Variants in ING2 observed in about 807,000 individuals in gnomAD.
ING2 encodes inhibitor of growth family member 2.
In ING2, 7 loss-of-function variants were observed where a neutral mutation model predicts 30.6. The ratio of observed to expected loss-of-function variants is 0.23; its 90% CI spans 0.13 to 0.43. ING2 has a LOEUF of 0.43. Ranked by LOEUF, ING2 falls within the 20% of genes least tolerant of loss-of-function variation. The probability of loss-of-function intolerance (pLI) is 1.00; values close to 1 mark genes in which losing one functional copy is unlikely to be tolerated. For missense variants in ING2, 239 were observed against 334.9 expected, an observed-to-expected ratio of 0.71 and a Z score of 2.24; for synonymous variants, 136 against 121.7, an observed-to-expected ratio of 1.12 and a Z score of -0.78.
At chr4:183,507,526 C>T (rs1205971805) in intron 1 of ING2, among the ~76,000 whole-genome samples, 6 of 152,268 alleles carry the variant, frequency 3.9e-5, no homozygotes, top group East Asian at 1.9e-4. Flanking sequence ...CTATAATTGT[C>T]AGGTATTAAT....
In ING2 at chr4:183,511,131, A is replaced by G. The variant is rs1354412199; in HGVS notation, c.*179A>G. On this transcript the variant is annotated 3_prime_UTR_variant, in exon 2 of 2. Transcript: ENST00000302327. Reference sequence around the variant, plus strand: ...TTAATTTTCTGCACTGAGTTACCAAATATTTCCAACCAGGTAGTCTTCAGA... The same window carrying G: ...TTAATTTTCTGCACTGAGTTACCAAGTATTTCCAACCAGGTAGTCTTCAGA... The G allele has an allele frequency of 1.9e-6, 1 of 515,172 alleles. No individual in the cohort carries two copies. Among genetic ancestry groups the G allele is most frequent in the Admixed American group, 3.7e-5 (1 of 27,084 alleles). 31.9% of individuals were successfully genotyped at this position (515,172 alleles called of 1,614,324 possible).
chr4:183,510,259 C>T (rs1232611903), intron 1 of ING2, 23 bp from the exon 2 acceptor site: 4 of 1,488,880 alleles, frequency 2.7e-6, no homozygotes, highest in Non-Finnish European at 3.6e-6. Flanking sequence ...ATAACGTTCT[C>T]ATTTTTCTTT....
rs1734617886 is a variant in ING2 at position 183,505,642 on chromosome 4, AAGC to A, written c.172+280_172+282del. On this transcript the variant is annotated intron_variant, in intron 1 of 1. Coordinates refer to ENST00000302327, the MANE Select transcript of ING2 (RefSeq NM_001564.4). The stretch of plus-strand genomic sequence containing the variant: ...GCCGCTGAGGGGAATCAGCCATTTT[AAGC>A]AGCAAGCATTTGTTCAGGCGCTGGC... Among the ~76,000 whole-genome samples the A allele has an allele frequency of 2.6e-5, 4 of 152,058 alleles. No homozygotes were observed. In the South Asian group the frequency reaches 8.3e-4, roughly 32 times the overall value.
In ING2 at chr4:183,511,071, G is replaced by C. The variant is rs1233445436; in HGVS notation, c.*119G>C. On this transcript the variant is annotated 3_prime_UTR_variant, in exon 2 of 2. Coordinates refer to ENST00000302327, the MANE Select transcript of ING2 (RefSeq NM_001564.4). ...ATAATTTTTAATCATTAGTATTAAT[G>C]GTGTATTAAAAGTTGTTGTACTTTG... The C allele has an allele frequency of 6.2e-6, 5 of 812,228 alleles. No individual in the cohort carries two copies. The highest frequency in any genetic ancestry group is 9.3e-6 in the Non-Finnish European group (5 of 535,250). 50.3% of individuals were successfully genotyped at this position (812,228 alleles called of 1,614,324 possible).
At position 183,506,188 on chromosome 4, in the gene ING2, G is replaced by A. The variant is rs1354074251; in HGVS notation, c.172+821G>A. 3 of 1,297,160 alleles carry A rather than the reference G, an allele frequency of 2.3e-6. No homozygotes were observed. The Admixed American group carries it at 6.9e-5, about 30-fold the overall frequency. The allele number at this position is 1,297,160 out of a possible 1,614,324, so 80.4% of individuals were successfully genotyped here. On this transcript the variant is annotated intron_variant, in intron 1 of 1. Coordinates refer to ENST00000302327, the MANE Select transcript of ING2 (RefSeq NM_001564.4). ...GAGGGAGTCGGGGCTGTGCGGGGGC[G>A]TTGGTTCGGCCCCAGCGGAGTCCGA...
Position 183,505,096 on chromosome 4 carries a change from CG to C in ING2, c.-99del. ...CCCTCTCGAGCGGCTGCGGGGTCCC[CG>C]CGGCGCCGGGCTGCTGAGCTGAGGG... On this transcript the variant is annotated 5_prime_UTR_variant, in exon 1 of 2. Coordinates refer to ENST00000302327, the MANE Select transcript of ING2 (RefSeq NM_001564.4). The C allele has an allele frequency of 8.3e-7, 1 of 1,209,520 alleles. No individual in the cohort carries two copies. Among genetic ancestry groups the C allele is most frequent in the Non-Finnish European group, 1.1e-6 (1 of 945,686 alleles). 74.9% of individuals were successfully genotyped at this position (1,209,520 alleles called of 1,614,324 possible). A position where few individuals can be genotyped will look rare whatever the true frequency, so the allele number is the denominator to read the frequency against.
chr4:183,510,230 T>C, intron 1 of ING2, 52 bp from the exon 2 acceptor site: 2 of 1,254,740 alleles, frequency 1.6e-6, no homozygotes, highest in Non-Finnish European at 2.2e-6. Context: ...CTTGGAAATG[T>C]TGTGTCTGCT....
chr4:183,512,068 A>G lies in ING2; in HGVS notation c.*1116A>G, dbSNP rs1734831767. Among the ~76,000 whole-genome samples, 1 of 152,186 alleles carries G rather than the reference A, an allele frequency of 6.6e-6. No individual in the cohort carries two copies. Among genetic ancestry groups the G allele is most frequent in the African/African-American group, 2.4e-5 (1 of 41,444 alleles). ...CCAAGATTCTGATATTTGAAGGGTA[A>G]GCATCTTGATGGATATATGTCCATA... On this transcript the variant is annotated 3_prime_UTR_variant, in exon 2 of 2. Coordinates refer to ENST00000302327, the MANE Select transcript of ING2 (RefSeq NM_001564.4).
intron 1 of ING2, among the ~76,000 whole-genome samples, chr4:183,509,623 A>T (rs1218956643): frequency 1.3e-5 from 2 of 149,208 alleles, no homozygotes; most frequent in African/African-American, 5.0e-5. Context: ...TTTTTTTTGT[A>T]TTTTTAGTAG....
chr4:183,505,415 T>G, intron 1 of ING2, 48 bp downstream of exon 1: 5 of 1,471,038 alleles, frequency 3.4e-6, no homozygotes, highest in Non-Finnish European at 4.6e-6. Context: ...GCGGGGAGCC[T>G]GTCCGGGGGA....
chr4:183,511,009 C>A lies in ING2; in HGVS notation c.*57C>A. 7.2e-7 allele frequency: 1 copy of A among 1,384,058 alleles called. No homozygotes were observed. Among genetic ancestry groups the A allele is most frequent in the African/African-American group, 1.5e-5 (1 of 68,160 alleles). 85.7% of individuals were successfully genotyped at this position (1,384,058 alleles called of 1,614,324 possible). On this transcript the variant is annotated 3_prime_UTR_variant, in exon 2 of 2. Coordinates refer to ENST00000302327, the MANE Select transcript of ING2 (RefSeq NM_001564.4). ...GTCTTTTATATAATTCGTTTGCTTT[C>A]AGAAAATGTTTTAGGGTAAATGCAT... is the stretch of plus-strand genomic sequence containing the variant.
In ING2 at chr4:183,510,417, T is replaced by G; in HGVS notation, c.308T>G (p.Ile103Ser). 6.2e-7 allele frequency: 1 copy of G among 1,614,146 alleles called. No individual in the cohort carries two copies. ...SQELGDEKIQ[I>S]VTQMLELVEN... ...GAATTGGGAGATGAAAAAATACAGA[T>G]TGTTACACAAATGCTCGAATTGGTG... The change falls in exon 2 of 2, where the codon ATT (isoleucine) becomes AGT (serine). Residue 103 changes from isoleucine to serine, a missense_variant. This residue lies in a region of ING2 where 115 missense variants were observed against 120.1 expected (regional missense o/e 0.96). Transcript: ENST00000302327.
chr4:183,505,376 C>A lies in ING2; in HGVS notation c.172+9C>A, dbSNP rs777797153. 6.6e-7 allele frequency: 1 copy of A among 1,517,726 alleles called. No homozygotes were observed. Among genetic ancestry groups the A allele is most frequent in the Non-Finnish European group, 8.8e-7 (1 of 1,130,178 alleles). The allele number at this position is 1,517,726 out of a possible 1,614,324, so 94.0% of individuals were successfully genotyped here. ...GGACAACAAATATCAAGGTAGGAGC[C>A]GCGGGGCTGCCGGCCTCGGGAGCCG... On this transcript the variant is annotated intron_variant, in intron 1 of 1. Transcript: ENST00000302327.
Position 183,510,689 on chromosome 4 carries a change from G to A in ING2, c.580G>A (p.Ala194Thr). 1 of 1,614,146 alleles carries A rather than the reference G, an allele frequency of 6.2e-7. No homozygotes were observed. Among genetic ancestry groups the A allele is most frequent in the Non-Finnish European group, 8.5e-7 (1 of 1,180,030 alleles). Residue 194 changes from alanine to threonine, a missense_variant, in exon 2 of 2, where the codon GCC becomes ACC. Physicochemically the swap from Ala to Thr is moderately conservative, Grantham distance 58. This residue lies in a region of ING2 where 115 missense variants were observed against 120.1 expected (regional missense o/e 0.96). Coordinates refer to ENST00000302327, the MANE Select transcript of ING2 (RefSeq NM_001564.4). ...AGCAAAGAAAAAGAAACGCTCCAAG[G>A]CCAAGCAGGAAAGGGAAGCTTCACC... ...KSAKKKKRSK[A>T]KQEREASPVE...
Position 183,510,655 on chromosome 4 carries a change from A to G in ING2, c.546A>G (p.Lys182=), listed in dbSNP as rs1433607960. 2 of 1,614,056 alleles carry G rather than the reference A, an allele frequency of 1.2e-6. No individual in the cohort carries two copies. The highest frequency in any genetic ancestry group is 2.7e-5 in the African/African-American group (2 of 74,930). ...ATGATCAGCCACCTAAAGAAAAGAA[A>G]TCCAAGTCAGCAAAGAAAAAGAAAC... is the stretch of plus-strand genomic sequence containing the variant. The part of the protein sequence containing the change: ...DCDDQPPKEK[K]SKSAKKKKRS... The change falls in exon 2 of 2, where the codon AAA becomes AAG. Residue 182 remains lysine (K), a synonymous_variant. Coordinates refer to ENST00000302327, the MANE Select transcript of ING2 (RefSeq NM_001564.4).
At position 183,505,174 on chromosome 4, in the gene ING2, G is replaced by C. The variant is rs1233831519; in HGVS notation, c.-22G>C. On this transcript the variant is annotated 5_prime_UTR_variant, in exon 1 of 2. Coordinates refer to ENST00000302327, the MANE Select transcript of ING2 (RefSeq NM_001564.4). ...TGCGGCTGCTGGATGCGGAGGCGGC[G>C]GCGACGGCGCGGATCGGCAGGATGT... The C allele has an allele frequency of 6.3e-7, 1 of 1,587,630 alleles. No homozygotes were observed. Among genetic ancestry groups the C allele is most frequent in the African/African-American group, 1.4e-5 (1 of 72,786 alleles).
At position 183,511,194 on chromosome 4, in the gene ING2, G is replaced by A. The variant is rs1453838857; in HGVS notation, c.*242G>A. The A allele has an allele frequency of 2.2e-5, 7 of 315,896 alleles. No individual in the cohort carries two copies. Among genetic ancestry groups the A allele is most frequent in the African/African-American group, 1.5e-4 (7 of 46,800 alleles). The allele number at this position is 315,896 out of a possible 1,614,324, so 19.6% of individuals were successfully genotyped here. Reference sequence around the variant, plus strand: ...AGGAGCAGGGAACAGGAAGAGGGTGGTGTAAACATTATAAAAATTTCACAA... The same window carrying A: ...AGGAGCAGGGAACAGGAAGAGGGTGATGTAAACATTATAAAAATTTCACAA... On this transcript the variant is annotated 3_prime_UTR_variant, in exon 2 of 2. Transcript: ENST00000302327.
chr4:183,510,983 T>C lies in ING2; in HGVS notation c.*31T>C. 6.6e-7 allele frequency: 1 copy of C among 1,512,924 alleles called. No individual in the cohort carries two copies. Among genetic ancestry groups the C allele is most frequent in the Non-Finnish European group, 8.9e-7 (1 of 1,125,990 alleles). The allele number at this position is 1,512,924 out of a possible 1,614,324, so 93.7% of individuals were successfully genotyped here. A position where few individuals can be genotyped will look rare whatever the true frequency, so the allele number is the denominator to read the frequency against. ...GCCATCCACATTTTAAAGGGTTATT[T>C]GTCTTTTATATAATTCGTTTGCTTT... On this transcript the variant is annotated 3_prime_UTR_variant, in exon 2 of 2. Transcript: ENST00000302327.
Position 183,512,219 on chromosome 4 carries a change from A to G in ING2, c.*1267A>G, listed in dbSNP as rs1006711499. ...TCTTGATTCTTTTTGATTAACATGAAAAATCCTGTCTGCTTGTTTTGGGAA... is the reference window on the plus strand; with the variant it reads ...TCTTGATTCTTTTTGATTAACATGAGAAATCCTGTCTGCTTGTTTTGGGAA... On this transcript the variant is annotated 3_prime_UTR_variant, in exon 2 of 2. Coordinates refer to ENST00000302327, the MANE Select transcript of ING2 (RefSeq NM_001564.4). Among the ~76,000 whole-genome samples, 1 of 151,968 alleles carries G rather than the reference A, an allele frequency of 6.6e-6. No homozygotes were observed. Among genetic ancestry groups the G allele is most frequent in the African/African-American group, 2.4e-5 (1 of 41,412 alleles).
Sources: gnomAD v4.1 joint callset for allele counts (sites outside exome capture counted in the v4.1 genomes callset) on GRCh38, gnomAD v4.1.1 for gene constraint, gnomAD v4.1.1 regional missense constraint, MANE v1.5 for transcripts, NCBI Gene and HGNC (gene_info 2026-07-23, HGNC 2026-07-21) for gene names.